The following PDE4B variants were observed in gnomAD, a reference collection of about 807,000 sequenced individuals.
PDE4B encodes phosphodiesterase 4B.
A neutral mutation model predicts 82.2 loss-of-function variants in PDE4B; 20 were observed. The ratio of observed to expected loss-of-function variants is 0.24; its 90% CI spans 0.17 to 0.35. The LOEUF (loss-of-function observed/expected upper bound fraction) is 0.35. Ranked by LOEUF, PDE4B falls within the 10% of genes least tolerant of loss-of-function variation. The pLI, the probability that PDE4B is intolerant of heterozygous loss-of-function variation, is 1.00. For synonymous variants in PDE4B, 320 were observed against 318.9 expected (o/e 1.00, Z -0.04); for missense variants, 655 against 907.2 (o/e 0.72, Z 3.57).
At chr1:66,183,093 C>T (rs549274879) in intron 3 of PDE4B, among the ~76,000 whole-genome samples, 10 of 152,284 alleles carry the variant, frequency 6.6e-5, no homozygotes, top group African/African-American at 2.4e-4. Flanking sequence ...GGAGACAAGA[C>T]TGCTCTCACC....
At chr1:66,370,403 C>T (rs2050704670) in intron 16 of PDE4B, among the ~76,000 whole-genome samples, 1 of 152,118 alleles carries the variant, frequency 6.6e-6, no homozygotes, top group Non-Finnish European at 1.5e-5. Context: ...CTTGGATCCC[C>T]AAACAGCCTT....
At chr1:65,884,205 T>G (rs527866956) in intron 1 of PDE4B, among the ~76,000 whole-genome samples, 1 of 152,346 alleles carries the variant, frequency 6.6e-6, no homozygotes, top group African/African-American at 2.4e-5. Flanking sequence ...TCGTTTTCTA[T>G]TGATTGGAAT....
At chr1:65,893,760 A>G (rs1420821923) in intron 1 of PDE4B, among the ~76,000 whole-genome samples, 1 of 152,092 alleles carries the variant, frequency 6.6e-6, no homozygotes, top group East Asian at 1.9e-4. Flanking sequence ...CTGAACAGTG[A>G]CTGTTTAAAG....
intron 1 of PDE4B, among the ~76,000 whole-genome samples, chr1:65,891,504 C>T (rs1374048072): frequency 6.6e-6 from 1 of 151,908 alleles, no homozygotes; most frequent in Non-Finnish European, 1.5e-5. Flanking sequence ...GGTGTATCAT[C>T]TTGTGGATGT....
At chr1:66,098,712 C>T (rs751449101) in intron 3 of PDE4B, among the ~76,000 whole-genome samples, 3 of 152,068 alleles carry the variant, frequency 2.0e-5, no homozygotes, top group Admixed American at 6.6e-5. Context: ...CTATAATGGG[C>T]GTACCTGTTG....
At chr1:65,899,870 G>C (rs950100582) in intron 1 of PDE4B, among the ~76,000 whole-genome samples, 1 of 151,748 alleles carries the variant, frequency 6.6e-6, no homozygotes, top group African/African-American at 2.4e-5. Context: ...TGGATTTGGG[G>C]ACTCAGGGAC....
intron 7 of PDE4B, among the ~76,000 whole-genome samples, chr1:66,321,178 G>A (rs1464498802): frequency 6.6e-6 from 1 of 152,096 alleles, no homozygotes; most frequent in African/African-American, 2.4e-5. Context: ...TAATTCATTG[G>A]ACTCTGATTT....
intron 1 of PDE4B, among the ~76,000 whole-genome samples, chr1:65,890,140 T>TA (rs917523207): frequency 9.2e-5 from 14 of 152,034 alleles, no homozygotes; most frequent in African/African-American, 3.4e-4. Flanking sequence ...ACAAATTTTT[T>TA]TTTTTTTCCT....
At chr1:66,333,296 G>A (rs1016926710) in intron 8 of PDE4B, among the ~76,000 whole-genome samples, 1 of 152,212 alleles carries the variant, frequency 6.6e-6, no homozygotes, top group Non-Finnish European at 1.5e-5. Context: ...AAAGCTTAAT[G>A]TTGAAGAGCC....
intron 4 of PDE4B, among the ~76,000 whole-genome samples, chr1:66,255,457 C>T (rs902976971): frequency 5.9e-5 from 9 of 152,162 alleles, no homozygotes; most frequent in South Asian, 2.1e-4. Context: ...ATAATATGAG[C>T]GTGGGAGGCC....
chr1:66,230,798 A>T (rs1399552124), intron 3 of PDE4B, among the ~76,000 whole-genome samples: 1 of 152,230 alleles, frequency 6.6e-6, no homozygotes, highest in Non-Finnish European at 1.5e-5. Flanking sequence ...CTGTAATCCC[A>T]GCACTTTGGG....
At chr1:65,995,231 A>T (rs1426353512) in intron 3 of PDE4B, among the ~76,000 whole-genome samples, 1 of 152,124 alleles carries the variant, frequency 6.6e-6, no homozygotes, top group African/African-American at 2.4e-5. Context: ...TTAGTAAAAC[A>T]GTTTCACAGT....
chr1:66,071,343 T>C (rs1173880501), intron 3 of PDE4B, among the ~76,000 whole-genome samples: 6 of 152,138 alleles, frequency 3.9e-5, no homozygotes, highest in Non-Finnish European at 5.9e-5. Flanking sequence ...GATTAGATGA[T>C]TCAAAACTGT....
intron 3 of PDE4B, among the ~76,000 whole-genome samples, chr1:66,120,470 A>G (rs939887146): frequency 1.3e-5 from 2 of 152,204 alleles, no homozygotes; most frequent in Non-Finnish European, 2.9e-5. Context: ...TTTCCATCAT[A>G]TCTCCTGAAA....
upstream of PDE4B, chr1:65,792,637 G>A (rs965172036): frequency 2.0e-5 from 3 of 152,092 alleles, no homozygotes; most frequent in African/African-American, 4.8e-5. Context: ...TGAGGTAGGT[G>A]GGGGAAAAAA....
intron 3 of PDE4B, among the ~76,000 whole-genome samples, chr1:66,177,133 CAG>C (rs1479555113): frequency 6.6e-6 from 1 of 152,178 alleles, no homozygotes; most frequent in Non-Finnish European, 1.5e-5. Flanking sequence ...GCAGTCCAGA[CAG>C]AGAGAAAAAC....
intron 7 of PDE4B, among the ~76,000 whole-genome samples, chr1:66,282,088 G>A (rs1656340866): frequency 6.6e-6 from 1 of 152,178 alleles, no homozygotes; most frequent in South Asian, 2.1e-4. Context: ...CCTTGAGATG[G>A]TGTTTACATC....
At chr1:66,139,638 C>T (rs1329843586) in intron 3 of PDE4B, among the ~76,000 whole-genome samples, 1 of 151,138 alleles carries the variant, frequency 6.6e-6, no homozygotes, top group Non-Finnish European at 1.5e-5. Flanking sequence ...ATTAGGGGAT[C>T]AGCATCTTCT....
intron 3 of PDE4B, among the ~76,000 whole-genome samples, chr1:65,945,467 T>A (rs558099282): frequency 5.3e-5 from 8 of 152,052 alleles, no homozygotes; most frequent in African/African-American, 1.7e-4. Flanking sequence ...ACACGTTAAT[T>A]CCGGCTACAG....
Sources: allele counts gnomAD v4.1 joint callset (sites outside exome capture counted in the v4.1 genomes callset), GRCh38; gene constraint gnomAD v4.1.1; transcripts MANE v1.5; gene names NCBI Gene and HGNC (gene_info 2026-07-23, HGNC 2026-07-21).